Variants in FBXL13 observed in about 807,000 individuals in gnomAD.
FBXL13 encodes the protein F-box and leucine-rich repeat protein 13.
FBXL13 carries 67 observed loss-of-function variants against 83.6 expected under a neutral mutation model. The ratio of observed to expected loss-of-function variants is 0.80; its 90% CI spans 0.66 to 0.98. FBXL13 has a LOEUF of 0.98. Ranked by LOEUF, FBXL13 falls within the 50% of genes least tolerant of loss-of-function variation. The probability of loss-of-function intolerance (pLI) is 0.00; values close to 1 mark genes in which losing one functional copy is unlikely to be tolerated. For missense variants in FBXL13, 822 were observed against 866.5 expected (o/e 0.95, Z 0.64); for synonymous variants, 272 against 299.5 (o/e 0.91, Z 0.95).
intron 6 of FBXL13, among the ~76,000 whole-genome samples, chr7:102,972,976 T>G (rs1220064247): frequency 6.6e-6 from 1 of 152,192 alleles, no homozygotes; most frequent in African/African-American, 2.4e-5. Context: ...GATGTTTTGA[T>G]TTATGTTTAT....
intron 17 of FBXL13, among the ~76,000 whole-genome samples, chr7:102,851,441 CTCCT>C (rs752979463): frequency 4.2e-4 from 63 of 149,840 alleles, no homozygotes; most frequent in Non-Finnish European, 7.6e-4. Flanking sequence ...TCTTTCTTCC[CTCCT>C]TCCTTCCTTC....
intron 19 of FBXL13, among the ~76,000 whole-genome samples, chr7:102,819,061 T>C (rs1025096340): frequency 1.3e-5 from 2 of 152,194 alleles, no homozygotes; most frequent in African/African-American, 4.8e-5. Context: ...TATTTGGTTT[T>C]CTGTTCTTGG....
intron 6 of FBXL13, among the ~76,000 whole-genome samples, chr7:102,969,374 T>C (rs1018902164): frequency 6.6e-6 from 1 of 152,120 alleles, no homozygotes; most frequent in Non-Finnish European, 1.5e-5. Context: ...ACCATCTAGG[T>C]TTGTGTAGCA....
intron 10 of FBXL13, among the ~76,000 whole-genome samples, chr7:102,923,355 T>C (rs186270763): frequency 6.3e-4 from 96 of 152,294 alleles, no homozygotes; most frequent in African/African-American, 2.2e-3. Flanking sequence ...TACTTCCATA[T>C]TGGCCAATTC....
intron 11 of FBXL13, among the ~76,000 whole-genome samples, chr7:102,911,234 A>G (rs1163248172): frequency 6.6e-6 from 1 of 152,146 alleles, no homozygotes; most frequent in African/African-American, 2.4e-5. Flanking sequence ...TCTCATTTCA[A>G]CTTTACTGTG....
chr7:102,824,785 CTT>C (rs57237364), intron 18 of FBXL13, among the ~76,000 whole-genome samples: 27,402 of 123,614 alleles, frequency 0.22, 3,556 homozygotes, highest in East Asian at 0.57. Flanking sequence ...CATGCCCGGC[CTT>C]TTTTTTTTTT....
chr7:103,002,497 A>G (rs1312817003), intron 6 of FBXL13, among the ~76,000 whole-genome samples: 2 of 152,216 alleles, frequency 1.3e-5, no homozygotes, highest in African/African-American at 4.8e-5. Context: ...TACTTTTGCC[A>G]GTGAGTTCTA....
At chr7:102,857,135 G>A (rs1023853352) in intron 16 of FBXL13, among the ~76,000 whole-genome samples, 4 of 151,302 alleles carry the variant, frequency 2.6e-5, no homozygotes, top group Non-Finnish European at 5.9e-5. Context: ...AGAGCTATTA[G>A]AAGAAAACAG....
rs190131477 is a variant in FBXL13 at position 102,871,324 on chromosome 7, T to C, written c.1635+6143A>G. Among the ~76,000 whole-genome samples the C allele has an allele frequency of 3.9e-5, 6 of 152,198 alleles. No individual in the cohort carries two copies. In the East Asian group the frequency reaches 9.7e-4, roughly 25 times the overall value. ...CTCTCAAAACCTGTTATTTCTCCTA[T>C]ATTACCTATCTTTTTAGAGGTGGGA... On this transcript the variant is annotated intron_variant, in intron 16 of 19. Transcript: ENST00000313221.
chr7:102,858,977 T>C (rs1806418462), intron 16 of FBXL13, among the ~76,000 whole-genome samples: 2 of 152,178 alleles, frequency 1.3e-5, no homozygotes, highest in African/African-American at 4.8e-5. Context: ...ATACTTTAAA[T>C]TGGTGAGTTT....
At chr7:102,901,597 T>C (rs527540410) in intron 11 of FBXL13, among the ~76,000 whole-genome samples, 2 of 152,202 alleles carry the variant, frequency 1.3e-5, no homozygotes, top group Non-Finnish European at 2.9e-5. Context: ...TTCTACTCTC[T>C]ATGCCCATGA....
intron 8 of FBXL13, among the ~76,000 whole-genome samples, chr7:102,943,300 T>C (rs1212111905): frequency 6.6e-6 from 1 of 150,540 alleles, no homozygotes; most frequent in Non-Finnish European, 1.5e-5. Context: ...AATTCATGTC[T>C]CTTTTTTGTA....
chr7:102,864,236 T>C (rs6465877), intron 16 of FBXL13, among the ~76,000 whole-genome samples: 28,917 of 152,046 alleles, frequency 0.19, 3,013 homozygotes, highest in East Asian at 0.43. Context: ...AGCACTGAGT[T>C]ATCTGTGAAT....
At position 102,944,563 on chromosome 7, in the gene FBXL13, C is replaced by T. The variant is rs767593749; in HGVS notation, c.725-12630G>A. ...TGAATGGGAAAAAAAACATAGAGAT[C>T]ACACCGCAAAGAAGCAAAGCGTAAT... On this transcript the variant is annotated intron_variant, in intron 8 of 19. Coordinates refer to ENST00000313221, the Ensembl canonical transcript of FBXL13. The T allele has an allele frequency of 7.4e-6, 12 of 1,612,270 alleles. No homozygotes were observed. In the South Asian group the frequency reaches 1.2e-4, roughly 16 times the overall value.
exon 1 of FBXL13, chr7:103,074,513 C>A: frequency 1.7e-6 from 2 of 1,177,208 alleles, no homozygotes; most frequent in South Asian, 1.5e-5. Flanking sequence ...CTCTAATCAG[C>A]GTCTTCAGCC....
intron 16 of FBXL13, among the ~76,000 whole-genome samples, chr7:102,872,433 C>T: frequency 6.6e-6 from 1 of 152,164 alleles, no homozygotes; most frequent in East Asian, 1.9e-4. Flanking sequence ...ATAACAGGCG[C>T]TCAAGATCTT....
chr7:103,024,138 AGAGAGAGAGAGAGAG>A, intron 6 of FBXL13, among the ~76,000 whole-genome samples: 1 of 40,108 alleles, frequency 2.5e-5, no homozygotes, highest in Non-Finnish European at 4.0e-5. Context: ...AGTTAAAAAG[AGAGAGAGAGAGAGAG>A]AGAGAGAGAG....
At chr7:102,910,312 A>G (rs960761216) in intron 11 of FBXL13, among the ~76,000 whole-genome samples, 4 of 152,108 alleles carry the variant, frequency 2.6e-5, no homozygotes, top group Non-Finnish European at 5.9e-5. Flanking sequence ...TTTCAGTCAT[A>G]TGAAGTTAAA....
chr7:102,936,518 G>A (rs139668109), intron 8 of FBXL13, among the ~76,000 whole-genome samples: 212 of 152,242 alleles, frequency 1.4e-3, no homozygotes, highest in African/African-American at 4.8e-3. Context: ...AGAATTTCCC[G>A]GATATTGTTA....
Sources: allele counts gnomAD v4.1 joint callset (sites outside exome capture counted in the v4.1 genomes callset), GRCh38; gene constraint gnomAD v4.1.1; transcripts MANE v1.5; gene names NCBI Gene and HGNC (gene_info 2026-07-23, HGNC 2026-07-21).